The following RORA variants were observed in gnomAD, a reference collection of about 807,000 sequenced individuals.
RORA encodes nuclear receptor ROR-alpha.
A neutral mutation model predicts 69.5 loss-of-function variants in RORA; 7 were observed. That is an observed-to-expected ratio of 0.10 (90% CI 0.06 to 0.19). The LOEUF is 0.19. Among genes scored for constraint, RORA ranks in the 10% least tolerant of loss-of-function variants. RORA has a pLI of 1.00. For missense variants in RORA, 457 were observed against 663.0 expected (o/e 0.69, Z 3.41); for synonymous variants, 261 against 240.8 (o/e 1.08, Z -0.78).
Position 60,934,602 on chromosome 15 carries a change from G to A in RORA, c.167-255916C>T, listed in dbSNP as rs185808752. ...CAGTCCTCTTGCTTCAGCCTCCTGA[G>A]TTGCTGGGATTACAGGTATGAGTCA... is the stretch of plus-strand genomic sequence containing the variant. On this transcript the variant is annotated intron_variant, in intron 1 of 10. Coordinates refer to ENST00000335670, the MANE Select transcript of RORA (RefSeq NM_134261.3). 2.2e-3 allele frequency among the ~76,000 whole-genome samples: 336 copies of A among 152,272 alleles called. 1 individual carries two copies. The highest frequency in any genetic ancestry group is 7.8e-3 in the African/African-American group (325 of 41,532).
At chr15:61,132,756 A>G (rs1285663823) in intron 1 of RORA, among the ~76,000 whole-genome samples, 1 of 152,230 alleles carries the variant, frequency 6.6e-6, no homozygotes, top group Non-Finnish European at 1.5e-5. Context: ...CTACTATTCT[A>G]TAAATAAGGT....
At chr15:60,838,843 A>AACAC (rs58762022) in intron 1 of RORA, among the ~76,000 whole-genome samples, 3,623 of 122,028 alleles carry the variant, frequency 0.03, 169 homozygotes, top group African/African-American at 0.096. Context: ...ACATTCATTC[A>AACAC]ACACACACAC....
chr15:60,745,369 C>T (rs2071632674), intron 1 of RORA, among the ~76,000 whole-genome samples: 1 of 152,250 alleles, frequency 6.6e-6, no homozygotes, highest in Admixed American at 6.5e-5. Context: ...CAAAAGTCAT[C>T]AGACACATGT....
chr15:60,822,106 G>C (rs2072900487), intron 1 of RORA, among the ~76,000 whole-genome samples: 1 of 152,184 alleles, frequency 6.6e-6, no homozygotes, highest in African/African-American at 2.4e-5. Flanking sequence ...AATGAAACAA[G>C]GTTTGGTGGT....
intron 1 of RORA, among the ~76,000 whole-genome samples, chr15:61,186,244 A>G (rs2079739907): frequency 6.6e-6 from 1 of 152,194 alleles, no homozygotes; most frequent in African/African-American, 2.4e-5. Flanking sequence ...CATGCTGGTT[A>G]AGTGACTAAA....
intron 1 of RORA, among the ~76,000 whole-genome samples, chr15:61,036,359 T>C (rs1453020852): frequency 6.6e-6 from 1 of 152,158 alleles, no homozygotes; most frequent in Non-Finnish European, 1.5e-5. Flanking sequence ...CACATCTCCA[T>C]TGGTTTGCGT....
chr15:60,632,880 G>T (rs561016980), intron 2 of RORA, among the ~76,000 whole-genome samples: 1 of 152,096 alleles, frequency 6.6e-6, no homozygotes, highest in South Asian at 2.1e-4. Flanking sequence ...AAAAAGAAAA[G>T]AAAAGAAAAG....
In RORA at chr15:60,936,675, G is replaced by T. The variant is rs116314919; in HGVS notation, c.167-257989C>A. ...GACGGGCACTGCCTGTGACCATACA[G>T]TGGCAGCAGTCAAGAAACAAGCCCT... On this transcript the variant is annotated intron_variant, in intron 1 of 10. Coordinates refer to ENST00000335670, the MANE Select transcript of RORA (RefSeq NM_134261.3). Among the ~76,000 whole-genome samples the T allele has an allele frequency of 4.8e-3, 737 of 152,354 alleles. 4 individuals are homozygous for T. The highest frequency in any genetic ancestry group is 0.017 in the African/African-American group (697 of 41,588).
At chr15:60,517,011 A>G (rs1031528288) in intron 3 of RORA, among the ~76,000 whole-genome samples, 1 of 150,026 alleles carries the variant, frequency 6.7e-6, no homozygotes, top group African/African-American at 2.5e-5. Flanking sequence ...GGACACCCAT[A>G]TATTTACTAT....
At chr15:60,668,597 C>A (rs2070415190) in intron 2 of RORA, among the ~76,000 whole-genome samples, 1 of 152,162 alleles carries the variant, frequency 6.6e-6, no homozygotes, top group Non-Finnish European at 1.5e-5. Flanking sequence ...TTCACCTGTT[C>A]TCTAGAGGCA....
intron 1 of RORA, among the ~76,000 whole-genome samples, chr15:61,167,392 AC>A (rs1567019798): frequency 1.3e-5 from 2 of 152,242 alleles, no homozygotes; most frequent in Non-Finnish European, 2.9e-5. Context: ...ATTATTACAG[AC>A]ACTCAGGTTA....
chr15:60,945,199 T>C (rs1423038898), intron 1 of RORA, among the ~76,000 whole-genome samples: 2 of 152,170 alleles, frequency 1.3e-5, no homozygotes, highest in East Asian at 1.9e-4. Context: ...TCCAAACTCA[T>C]GATCACATAA....
At chr15:60,746,965 G>A (rs191216090) in intron 1 of RORA, among the ~76,000 whole-genome samples, 58 of 152,224 alleles carry the variant, frequency 3.8e-4, no homozygotes, top group African/African-American at 1.0e-3. Context: ...CTCACCGATC[G>A]ACTCTAGTTA....
intron 1 of RORA, among the ~76,000 whole-genome samples, chr15:60,756,880 T>C (rs1466672129): frequency 6.6e-6 from 1 of 152,200 alleles, no homozygotes; most frequent in East Asian, 1.9e-4. Context: ...TGGTCATTTC[T>C]TACATAATTA....
At chr15:61,069,156 A>C (rs1393868243) in intron 1 of RORA, among the ~76,000 whole-genome samples, 1 of 152,200 alleles carries the variant, frequency 6.6e-6, no homozygotes, top group Non-Finnish European at 1.5e-5. Flanking sequence ...ATTTAAAAAG[A>C]AGATTAATCA....
intron 1 of RORA, among the ~76,000 whole-genome samples, chr15:61,099,118 G>A (rs953756668): frequency 2.6e-5 from 4 of 152,150 alleles, no homozygotes; most frequent in Non-Finnish European, 4.4e-5. Context: ...TATCTTTCAC[G>A]TATTGTCAAT....
intron 1 of RORA, among the ~76,000 whole-genome samples, chr15:60,820,064 T>TC (rs1251550318): frequency 6.6e-6 from 1 of 152,336 alleles, no homozygotes; most frequent in Admixed American, 6.5e-5. Context: ...CACGCGGTCC[T>TC]CCCCTGGGCC....
intron 1 of RORA, among the ~76,000 whole-genome samples, chr15:60,957,936 G>A (rs1893315260): frequency 6.9e-6 from 1 of 145,340 alleles, no homozygotes; most frequent in Non-Finnish European, 1.5e-5. Flanking sequence ...AATGACCTAT[G>A]AGGCATGCTT....
At chr15:61,187,835 G>C (rs565282490) in intron 1 of RORA, among the ~76,000 whole-genome samples, 1 of 152,262 alleles carries the variant, frequency 6.6e-6, no homozygotes, top group East Asian at 1.9e-4. Context: ...CGTTTTGTAA[G>C]GGAGAAGACA....
Sources: allele counts gnomAD v4.1 joint callset (sites outside exome capture counted in the v4.1 genomes callset), GRCh38; gene constraint gnomAD v4.1.1; transcripts MANE v1.5; gene names NCBI Gene and HGNC (gene_info 2026-07-23, HGNC 2026-07-21).